Variants in LRRC63 observed in about 807,000 individuals in gnomAD.
LRRC63 encodes the protein leucine rich repeat containing 63, also known as leucine-rich repeat-containing protein 63.
Under a neutral mutation model 49.5 loss-of-function variants are expected in LRRC63, and 40 were observed. That is an observed-to-expected ratio of 0.81 (90% CI 0.63 to 1.05). LRRC63 has a LOEUF of 1.05. LRRC63 is among the 50% of genes least tolerant of loss of function. The pLI, the probability that LRRC63 is intolerant of heterozygous loss-of-function variation, is 0.00. For synonymous variants in LRRC63, 191 were observed against 221.1 expected (o/e 0.86, Z 1.21); for missense variants, 636 against 663.1 (o/e 0.96, Z 0.45).
chr13:46,266,554 A>G (rs777587778), intron 8 of LRRC63, among the ~76,000 whole-genome samples, 179 bp from the exon 9 acceptor site: 14 of 152,202 alleles, frequency 9.2e-5, no homozygotes, highest in Non-Finnish European at 1.6e-4. Context: ...GCATAATACT[A>G]TATTGGTTCT....
In LRRC63 at chr13:46,228,661, C is replaced by G. The variant is rs2046649170; in HGVS notation, c.764-4C>G. 6.5e-7 allele frequency: 1 copy of G among 1,528,386 alleles called. No homozygotes were observed. Among genetic ancestry groups the G allele is most frequent in the Admixed American group, 2.0e-5 (1 of 49,874 alleles). 94.7% of individuals were successfully genotyped at this position (1,528,386 alleles called of 1,614,324 possible). On this transcript the variant is annotated splice_region_variant and splice_polypyrimidine_tract_variant and intron_variant, in intron 3 of 9. Transcript: ENST00000595396. ...GTCATCCCATTTGTTTTTCATTTTT[C>G]TAGAAACTCTTGTAACAGAAAATGG...
chr13:46,268,848 T>C (rs1294236009), intron 9 of LRRC63, among the ~76,000 whole-genome samples: 3 of 148,440 alleles, frequency 2.0e-5, no homozygotes, highest in African/African-American at 2.6e-5. Flanking sequence ...GTCTATGATA[T>C]GGGGTTTAAA....
In LRRC63 at chr13:46,232,017, G is replaced by A. The variant is rs1326718700; in HGVS notation, c.833-2175G>A. Among the ~76,000 whole-genome samples, 7 of 150,712 alleles carry A rather than the reference G, an allele frequency of 4.6e-5. No homozygotes were observed. The East Asian group carries it at 5.9e-4, about 13-fold the overall frequency. On this transcript the variant is annotated intron_variant, in intron 4 of 9. Coordinates refer to ENST00000595396, the Ensembl canonical transcript of LRRC63. Reference sequence around the variant, plus strand: ...TTTTTAGTAGAGACGGGGTTTCACCGTGTTAGCTAGGATGGTCTTGATCTC... The same window carrying A: ...TTTTTAGTAGAGACGGGGTTTCACCATGTTAGCTAGGATGGTCTTGATCTC...
At chr13:46,231,915 G>A (rs570461552) in intron 4 of LRRC63, among the ~76,000 whole-genome samples, 7 of 146,416 alleles carry the variant, frequency 4.8e-5, no homozygotes, top group South Asian at 2.2e-4. Context: ...TCCCAGGTTC[G>A]CGCCATTCTC....
intron 5 of LRRC63, among the ~76,000 whole-genome samples, chr13:46,240,284 G>A (rs1218757465): frequency 2.1e-5 from 3 of 145,930 alleles, no homozygotes; most frequent in East Asian, 2.0e-4. Flanking sequence ...CTGCCACCAC[G>A]CTTGGCTAAT....
intron 5 of LRRC63, among the ~76,000 whole-genome samples, chr13:46,235,358 T>C (rs1286626838): frequency 6.6e-6 from 1 of 152,098 alleles, no homozygotes; most frequent in Non-Finnish European, 1.5e-5. Flanking sequence ...AAAAAAAGTT[T>C]AGAAAATTAT....
intron 9 of LRRC63, chr13:46,270,406 T>C (rs758073382): frequency 3.7e-6 from 3 of 812,034 alleles, no homozygotes; most frequent in Non-Finnish European, 2.2e-6. Context: ...AAGAATATAC[T>C]GTATCTAGTT....
intron 4 of LRRC63, among the ~76,000 whole-genome samples, 190 bp downstream of exon 4, chr13:46,228,923 T>C (rs41284163): frequency 0.05 from 7,685 of 152,248 alleles, 402 homozygotes; most frequent in African/African-American, 0.14. Flanking sequence ...ATGAACCAAA[T>C]ATATTGATAT....
chr13:46,271,922 CTAA>C (rs987631041), intron 9 of LRRC63, among the ~76,000 whole-genome samples: 4 of 151,838 alleles, frequency 2.6e-5, no homozygotes, highest in South Asian at 4.2e-4. Flanking sequence ...TAAGAGATAA[CTAA>C]TAATAACTAA....
At chr13:46,232,302 AT>A (rs1244566738) in intron 4 of LRRC63, among the ~76,000 whole-genome samples, 2 of 152,254 alleles carry the variant, frequency 1.3e-5, no homozygotes, top group East Asian at 3.8e-4. Context: ...CTTTAAAAAA[AT>A]CTTCATACAA....
At chr13:46,224,405 A>G (rs780687055) in intron 2 of LRRC63, among the ~76,000 whole-genome samples, 7 of 152,024 alleles carry the variant, frequency 4.6e-5, no homozygotes, top group East Asian at 1.9e-4. Context: ...CAGAATTTCT[A>G]TTTGGTTCTT....
At chr13:46,237,410 T>C (rs2046933038) in intron 5 of LRRC63, among the ~76,000 whole-genome samples, 1 of 152,182 alleles carries the variant, frequency 6.6e-6, no homozygotes, top group Admixed American at 6.5e-5. Context: ...GGTTCATTGA[T>C]TGTAACAAAT....
intron 9 of LRRC63, chr13:46,270,482 A>T (rs1458305501): frequency 3.8e-6 from 3 of 785,642 alleles, no homozygotes; most frequent in Non-Finnish European, 4.7e-6. Context: ...TTCTTCAAGA[A>T]AAGCCATCAC....
intron 2 of LRRC63, among the ~76,000 whole-genome samples, chr13:46,226,130 C>T (rs1241034147): frequency 6.6e-6 from 1 of 151,936 alleles, no homozygotes; most frequent in African/African-American, 2.4e-5. Flanking sequence ...AGTACAGGAG[C>T]ATGATGCCAC....
chr13:46,271,949 C>T (rs1309595137), intron 9 of LRRC63, among the ~76,000 whole-genome samples: 1 of 151,824 alleles, frequency 6.6e-6, no homozygotes, highest in Non-Finnish European at 1.5e-5. Context: ...TAACTAATAA[C>T]TAATAAAATA....
intron 2 of LRRC63, among the ~76,000 whole-genome samples, chr13:46,227,292 A>G (rs1354202197): frequency 2.0e-5 from 3 of 152,292 alleles, no homozygotes; most frequent in South Asian, 4.1e-4. Context: ...CTACCCTTTT[A>G]AAATCTAATA....
intron 4 of LRRC63, among the ~76,000 whole-genome samples, chr13:46,230,981 A>C (rs201064515): frequency 6.6e-6 from 1 of 152,228 alleles, no homozygotes; most frequent in Non-Finnish European, 1.5e-5. Context: ...AATTTAGCCA[A>C]GCTCTTTGCT....
chr13:46,255,645 A>AAAAAAAAAAAAAAAAAATATATATATAT (rs1555328641), intron 7 of LRRC63, among the ~76,000 whole-genome samples: 1 of 129,468 alleles, frequency 7.7e-6, no homozygotes, highest in African/African-American at 2.9e-5. Context: ...CCCTGCCTCA[A>AAAAAAAAAAAAAAAAAATATATATATAT]ATATATATAT....
At chr13:46,238,289 G>C (rs991502590) in intron 5 of LRRC63, among the ~76,000 whole-genome samples, 1 of 152,074 alleles carries the variant, frequency 6.6e-6, no homozygotes, top group African/African-American at 2.4e-5. Context: ...GGACAAAAAT[G>C]GATCTGGACC....
Sources: allele counts gnomAD v4.1 joint callset (sites outside exome capture counted in the v4.1 genomes callset), GRCh38; gene constraint gnomAD v4.1.1; transcripts MANE v1.5; gene names NCBI Gene and HGNC (gene_info 2026-07-23, HGNC 2026-07-21).